Variants in UPK1B observed in about 807,000 individuals in gnomAD.
The protein encoded by UPK1B is uroplakin-1b.
In UPK1B, 28 loss-of-function variants were observed where a neutral mutation model predicts 34.2. That is an observed-to-expected ratio of 0.82 (90% CI 0.61 to 1.12). The LOEUF (loss-of-function observed/expected upper bound fraction) is 1.12. UPK1B is among the 50% of genes most tolerant of loss of function. UPK1B has a pLI of 0.00. For missense variants in UPK1B, 325 were observed against 320.9 expected (o/e 1.01, Z -0.10); for synonymous variants, 81 against 110.4 (o/e 0.73, Z 1.67).
chr3:119,189,145 A>G (rs1280732405), intron 3 of UPK1B, among the ~76,000 whole-genome samples: 1 of 152,196 alleles, frequency 6.6e-6, no homozygotes, highest in Non-Finnish European at 1.5e-5. Context: ...GAAACACCTC[A>G]CTGCATACCT....
In UPK1B at chr3:119,181,212, G is replaced by A. The variant is rs80278819; in HGVS notation, c.-28-5502G>A. Among the ~76,000 whole-genome samples the A allele has an allele frequency of 8.8e-3, 1,344 of 152,178 alleles. 13 individuals carry two copies. The highest frequency in any genetic ancestry group is 0.031 in the African/African-American group (1,294 of 41,492). ...CTGTGAGCCCAGGATTCCTACTCTC[G>A]TTTCAGCCAGAGAAGTACCATTCTG... On this transcript the variant is annotated intron_variant, in intron 1 of 7. Coordinates refer to ENST00000264234, the MANE Select transcript of UPK1B (RefSeq NM_006952.4).
Position 119,187,885 on chromosome 3 carries a change from G to T in UPK1B, c.180G>T (p.Trp60Cys), listed in dbSNP as rs2078026412. The T allele has an allele frequency of 1.2e-6, 2 of 1,613,986 alleles. No individual in the cohort carries two copies. The highest frequency in any genetic ancestry group is 8.5e-7 in the Non-Finnish European group (1 of 1,180,028). ...ACGATGACATCTATGGGGCTGCCTG[G>T]ATCGGCATATTTGTGGGCATCTGCC... ...TDNDDIYGAAWIGIFVGICLF... is the reference protein window; with the variant it reads ...TDNDDIYGAACIGIFVGICLF... The change falls in exon 3 of 8, where the codon TGG (tryptophan) becomes TGT (cysteine). Residue 60 changes from tryptophan to cysteine, a missense_variant. Physicochemically the swap from Trp to Cys is radical, Grantham distance 215. Coordinates refer to ENST00000264234, the MANE Select transcript of UPK1B (RefSeq NM_006952.4).
At chr3:119,183,836 T>A (rs983337047) in intron 1 of UPK1B, among the ~76,000 whole-genome samples, 13 of 152,216 alleles carry the variant, frequency 8.5e-5, no homozygotes, top group African/African-American at 3.1e-4. Flanking sequence ...AAGTGCCCAA[T>A]AAATGGCAGT....
At chr3:119,200,735 T>C (rs1353514356) in intron 7 of UPK1B, among the ~76,000 whole-genome samples, 3 of 152,256 alleles carry the variant, frequency 2.0e-5, no homozygotes, top group African/African-American at 7.2e-5. Flanking sequence ...ATATTGTCAG[T>C]TGTTTTCCTT....
At chr3:119,179,661 C>T (rs1318365507) in intron 1 of UPK1B, among the ~76,000 whole-genome samples, 14 of 136,492 alleles carry the variant, frequency 1.0e-4, no homozygotes, top group African/African-American at 3.4e-4. Context: ...AGGCGCCTGC[C>T]ACCACGCCCG....
Position 119,190,285 on chromosome 3 carries a change from C to T in UPK1B, c.311C>T (p.Ala104Val), listed in dbSNP as rs756000888. 7.4e-6 allele frequency: 12 copies of T among 1,612,210 alleles called. No individual in the cohort carries two copies. The highest frequency in any genetic ancestry group is 1.0e-5 in the Non-Finnish European group (12 of 1,178,720). The change falls in exon 4 of 8, where the codon GCA (alanine) becomes GTA (valine). Residue 104 changes from alanine (A) to valine (V), a missense_variant. Physicochemically the swap from Ala to Val is moderately conservative, Grantham distance 64. Transcript: ENST00000264234. The stretch of plus-strand genomic sequence containing the variant: ...TTTATAGTATATGCCTTTGAAGTGG[C>T]ATCTTGTATCACAGCAGCAACACAA... ...LMFIVYAFEV[A>V]SCITAATQQD...
In UPK1B at chr3:119,203,979, T is replaced by A; in HGVS notation, c.*12T>A. On this transcript the variant is annotated 3_prime_UTR_variant, in exon 8 of 8. Coordinates refer to ENST00000264234, the MANE Select transcript of UPK1B (RefSeq NM_006952.4). Reference sequence around the variant, plus strand: ...GAATTGAATATTAAGCATAAAGTGTTGCCACCATACCTCCTTCCCCGAGTG... The same window carrying A: ...GAATTGAATATTAAGCATAAAGTGTAGCCACCATACCTCCTTCCCCGAGTG... 5 of 1,613,774 alleles carry A rather than the reference T, an allele frequency of 3.1e-6. No individual in the cohort carries two copies. The highest frequency in any genetic ancestry group is 3.4e-6 in the Non-Finnish European group (4 of 1,179,934).
chr3:119,203,340 C>CAAAAAA (rs55752613), intron 7 of UPK1B, among the ~76,000 whole-genome samples: 76 of 61,998 alleles, frequency 1.2e-3, no homozygotes, highest in South Asian at 2.3e-3. Flanking sequence ...AACTCCGTCT[C>CAAAAAA]AAAAAAAAAA....
chr3:119,175,002 CTTTTATTTTCTTTTT>C (rs2077947879), intron 1 of UPK1B, among the ~76,000 whole-genome samples: 1 of 50,122 alleles, frequency 2.0e-5, no homozygotes, highest in Admixed American at 2.3e-4. Context: ...CTTTTTTTTT[CTTTTATTTTCTTTTT>C]TTTTTTTTTT....
chr3:119,190,905 G>A, intron 4 of UPK1B, 77 bp from the exon 5 acceptor site: 6 of 1,578,788 alleles, frequency 3.8e-6, no homozygotes, highest in South Asian at 1.2e-5. Flanking sequence ...CCCAGGAAAA[G>A]ACAGAGAAAA....
At chr3:119,192,121 C>T (rs373656733) in intron 5 of UPK1B, among the ~76,000 whole-genome samples, 1 of 152,198 alleles carries the variant, frequency 6.6e-6, no homozygotes, top group Non-Finnish European at 1.5e-5. Flanking sequence ...AACTGTGCCA[C>T]TAAGAACATT....
At chr3:119,197,313 G>T (rs1162585883) in intron 6 of UPK1B, among the ~76,000 whole-genome samples, 1 of 152,114 alleles carries the variant, frequency 6.6e-6, no homozygotes, top group Non-Finnish European at 1.5e-5. Context: ...ATCAAGTAAA[G>T]TACCACTAAA....
intron 4 of UPK1B, 121 bp from the exon 5 acceptor site, chr3:119,190,860 GT>G (rs2078040753): frequency 2.1e-6 from 3 of 1,400,710 alleles, no homozygotes; most frequent in Non-Finnish European, 2.9e-6. Flanking sequence ...GTGCCTCTGA[GT>G]ACAGTTTTGC....
chr3:119,175,112 C>G (rs540314665), intron 1 of UPK1B, among the ~76,000 whole-genome samples: 1 of 141,748 alleles, frequency 7.1e-6, no homozygotes, highest in South Asian at 2.3e-4. Context: ...ACTGCAAGCT[C>G]TGCCTCCCGG....
At position 119,194,239 on chromosome 3, in the gene UPK1B, T is replaced by C. The variant is rs1257050773; in HGVS notation, c.489T>C (p.Asn163=). The C allele has an allele frequency of 1.9e-6, 3 of 1,614,014 alleles. No homozygotes were observed. Among genetic ancestry groups the C allele is most frequent in the Non-Finnish European group, 1.7e-6 (2 of 1,179,900 alleles). The change falls in exon 6 of 8, where the codon AAT becomes AAC. Residue 163 remains asparagine (N), a synonymous_variant. Coordinates refer to ENST00000264234, the MANE Select transcript of UPK1B (RefSeq NM_006952.4). ...LMLQDNCCGV[N]GPSDWQKYTS... ...GACAGGACAATTGCTGTGGCGTAAATGGTCCATCAGACTGGCAAAAATACA... is the reference window on the plus strand; with the variant it reads ...GACAGGACAATTGCTGTGGCGTAAACGGTCCATCAGACTGGCAAAAATACA...
rs978426388 is a variant in UPK1B at position 119,204,337 on chromosome 3, T to C, written c.*370T>C. ...AGCAATCTGCCTGTATCTCTCACTA[T>C]TATCTAAAAGAAACCTTCCAATGCT... On this transcript the variant is annotated 3_prime_UTR_variant, in exon 8 of 8. Transcript: ENST00000264234. The C allele has an allele frequency of 2.0e-5, 4 of 198,938 alleles. No individual in the cohort carries two copies. In the Admixed American group the frequency reaches 2.1e-4, roughly 11 times the overall value. The allele number at this position is 198,938 out of a possible 1,614,324, so 12.3% of individuals were successfully genotyped here. A position where few individuals can be genotyped will look rare whatever the true frequency, so the allele number is the denominator to read the frequency against.
At chr3:119,185,600 T>C (rs908050806) in intron 1 of UPK1B, among the ~76,000 whole-genome samples, 20 of 152,154 alleles carry the variant, frequency 1.3e-4, no homozygotes, top group Non-Finnish European at 2.1e-4. Context: ...TGTAGTATAA[T>C]TGTGTGGGAA....
At chr3:119,179,595 G>C (rs1335835903) in intron 1 of UPK1B, among the ~76,000 whole-genome samples, 16 of 131,286 alleles carry the variant, frequency 1.2e-4, no homozygotes, top group East Asian at 1.2e-3. Context: ...CTGCAAGCTC[G>C]GCCTCCCGGG....
intron 6 of UPK1B, among the ~76,000 whole-genome samples, chr3:119,198,593 T>A (rs1407913965): frequency 6.6e-6 from 1 of 152,222 alleles, no homozygotes; most frequent in Non-Finnish European, 1.5e-5. Flanking sequence ...ATGCAGGAGT[T>A]CCTTTAATGA....
Sources: gnomAD v4.1 joint callset for allele counts (sites outside exome capture counted in the v4.1 genomes callset) on GRCh38, gnomAD v4.1.1 for gene constraint, MANE v1.5 for transcripts, NCBI Gene and HGNC (gene_info 2026-07-23, HGNC 2026-07-21) for gene names.